The following PDE1C variants were observed in gnomAD, a reference collection of about 807,000 sequenced individuals.
PDE1C encodes the protein dual specificity calcium/calmodulin-dependent 3',5'-cyclic nucleotide phosphodiesterase 1C.
A neutral mutation model predicts 93.1 loss-of-function variants in PDE1C; 62 were observed. The ratio of observed to expected loss-of-function variants is 0.67; its 90% CI spans 0.54 to 0.82. The LOEUF is 0.82. Ranked by LOEUF, PDE1C falls within the 40% of genes least tolerant of loss-of-function variation. The pLI, the probability that PDE1C is intolerant of heterozygous loss-of-function variation, is 0.00. For missense variants in PDE1C, 742 were observed against 884.6 expected (o/e 0.84, Z 2.04); for synonymous variants, 325 against 310.1 (o/e 1.05, Z -0.50).
At chr7:32,333,000 C>T (rs1281561413) in intron 1 of PDE1C, among the ~76,000 whole-genome samples, 1 of 152,062 alleles carries the variant, frequency 6.6e-6, no homozygotes, top group Non-Finnish European at 1.5e-5. Flanking sequence ...TAAACATGTA[C>T]TTTTCGATTT....
chr7:31,782,444 GA>G (rs1426628798), intron 16 of PDE1C, among the ~76,000 whole-genome samples: 1 of 152,082 alleles, frequency 6.6e-6, no homozygotes, highest in South Asian at 2.1e-4. Flanking sequence ...TTTACTTTAA[GA>G]AAAAAATTAA....
chr7:32,239,152 A>T (rs1455224551), intron 1 of PDE1C, among the ~76,000 whole-genome samples: 1 of 151,820 alleles, frequency 6.6e-6, no homozygotes, highest in Non-Finnish European at 1.5e-5. Context: ...GCTTGTGCTC[A>T]GCTCAGGAGT....
At chr7:32,039,827 G>C (rs1346207749) in intron 2 of PDE1C, among the ~76,000 whole-genome samples, 2 of 152,080 alleles carry the variant, frequency 1.3e-5, no homozygotes, top group African/African-American at 4.8e-5. Context: ...TTGTTTTATT[G>C]CCTCCTAGGT....
At chr7:32,386,315 T>C (rs1222733772) in intron 1 of PDE1C, among the ~76,000 whole-genome samples, 1 of 101,778 alleles carries the variant, frequency 9.8e-6, no homozygotes, top group Non-Finnish European at 1.9e-5. Flanking sequence ...TTGGAGTATA[T>C]CCTTCCTGAC....
At chr7:31,840,832 G>C (rs1197119804) in intron 9 of PDE1C, among the ~76,000 whole-genome samples, 3 of 152,018 alleles carry the variant, frequency 2.0e-5, no homozygotes, top group Non-Finnish European at 4.4e-5. Flanking sequence ...AGCATGCTTG[G>C]AATCAAGAAA....
At chr7:31,734,756 A>G in the PDE1C span, among the ~76,000 whole-genome samples, 1 of 152,230 alleles carries the variant, frequency 6.6e-6, no homozygotes, top group African/African-American at 2.4e-5. Flanking sequence ...ATGTCCCATT[A>G]GTAAGTAATT....
At chr7:31,660,865 A>G in the PDE1C span, among the ~76,000 whole-genome samples, 1 of 151,482 alleles carries the variant, frequency 6.6e-6, no homozygotes, top group African/African-American at 2.4e-5. Flanking sequence ...CATGCAATAT[A>G]TATTATATAT....
At chr7:31,802,031 CT>C (rs1562823766) in intron 16 of PDE1C, among the ~76,000 whole-genome samples, 1 of 151,398 alleles carries the variant, frequency 6.6e-6, no homozygotes, top group Non-Finnish European at 1.5e-5. Flanking sequence ...CAATCTCTGC[CT>C]TTTAATTAAG....
At chr7:31,920,213 C>G (rs1802426358) in intron 2 of PDE1C, among the ~76,000 whole-genome samples, 1 of 152,168 alleles carries the variant, frequency 6.6e-6, no homozygotes, top group Non-Finnish European at 1.5e-5. Context: ...GTACTGTCTC[C>G]TGTTTGCTAC....
chr7:32,214,637 T>G (rs1056234033), intron 1 of PDE1C, among the ~76,000 whole-genome samples: 2 of 152,210 alleles, frequency 1.3e-5, no homozygotes, highest in African/African-American at 4.8e-5. Flanking sequence ...CACTTCTTCT[T>G]TTCAGGATGC....
At chr7:32,327,569 C>A (rs1783427102) in intron 1 of PDE1C, among the ~76,000 whole-genome samples, 1 of 152,090 alleles carries the variant, frequency 6.6e-6, no homozygotes, top group Non-Finnish European at 1.5e-5. Flanking sequence ...GAGATCAAGA[C>A]CATCCTGGCC....
intron 9 of PDE1C, among the ~76,000 whole-genome samples, chr7:31,845,045 AT>A (rs959855428): frequency 1.3e-5 from 2 of 152,102 alleles, no homozygotes; most frequent in Admixed American, 6.6e-5. Context: ...ACAAAATAAT[AT>A]TTTTGAAACT....
intron 2 of PDE1C, among the ~76,000 whole-genome samples, chr7:32,018,195 C>T (rs1301511350): frequency 2.0e-5 from 3 of 151,860 alleles, no homozygotes; most frequent in Admixed American, 6.6e-5. Flanking sequence ...AATTGGAACC[C>T]TCATACACTA....
chr7:31,855,102 TTGGCACGCAGTTC>T (rs1793847227), intron 7 of PDE1C, among the ~76,000 whole-genome samples: 1 of 151,504 alleles, frequency 6.6e-6, no homozygotes, highest in Non-Finnish European at 1.5e-5. Context: ...CTTCCGTTTA[TTGGCACGCAGTTC>T]TGCCAGTCAG....
At chr7:32,130,096 A>C (rs1799833039) in intron 3 of PDE1C, among the ~76,000 whole-genome samples, 1 of 152,122 alleles carries the variant, frequency 6.6e-6, no homozygotes, top group Non-Finnish European at 1.5e-5. Flanking sequence ...TTTATTATCT[A>C]GATTTCCCTT....
chr7:32,373,438 T>A (rs955590078), intron 1 of PDE1C, among the ~76,000 whole-genome samples: 1 of 152,138 alleles, frequency 6.6e-6, no homozygotes, highest in African/African-American at 2.4e-5. Flanking sequence ...GAAAGTAGAT[T>A]AGGGGTTGCC....
chr7:31,636,291 G>T, the PDE1C span, among the ~76,000 whole-genome samples: 1 of 152,146 alleles, frequency 6.6e-6, no homozygotes, highest in Non-Finnish European at 1.5e-5. Flanking sequence ...GCCAGCACAT[G>T]GACAAATGGG....
chr7:31,876,758 G>A (rs1796648671), intron 5 of PDE1C, among the ~76,000 whole-genome samples: 3 of 152,140 alleles, frequency 2.0e-5, no homozygotes, highest in Admixed American at 2.0e-4. Context: ...GGGTTAAAGA[G>A]GAATGGGAGA....
intron 1 of PDE1C, among the ~76,000 whole-genome samples, chr7:32,372,749 C>G (rs1176240878): frequency 1.3e-5 from 2 of 152,108 alleles, no homozygotes; most frequent in African/African-American, 4.8e-5. Context: ...ACAAGGAACC[C>G]TAACAACTCA....
Sources: gnomAD v4.1 joint callset for allele counts (sites outside exome capture counted in the v4.1 genomes callset) on GRCh38, gnomAD v4.1.1 for gene constraint, MANE v1.5 for transcripts, NCBI Gene and HGNC (gene_info 2026-07-23, HGNC 2026-07-21) for gene names.